AAK1: variants seen among roughly 807,000 people sequenced by gnomAD.
AAK1 encodes AP2 associated kinase 1.
In AAK1, 37 loss-of-function variants were observed where a neutral mutation model predicts 116.0. That is an observed-to-expected ratio of 0.32 (90% CI 0.25 to 0.42). AAK1 has a LOEUF of 0.42. Among genes scored for constraint, AAK1 ranks in the 10% least tolerant of loss-of-function variants. The probability of loss-of-function intolerance (pLI) is 1.00; values close to 1 mark genes in which losing one functional copy is unlikely to be tolerated. For synonymous variants in AAK1, 458 were observed against 439.9 expected (o/e 1.04, Z -0.51); for missense variants, 919 against 1,170.6 (o/e 0.79, Z 3.14).
chr2:69,535,237 A>G (rs1225633126), intron 5 of AAK1, among the ~76,000 whole-genome samples: 3 of 152,210 alleles, frequency 2.0e-5, no homozygotes, highest in African/African-American at 7.2e-5. Flanking sequence ...TGTTTCACAC[A>G]AAGGATAAAT....
chr2:69,593,810 A>G (rs1269074628), intron 2 of AAK1, among the ~76,000 whole-genome samples: 1 of 152,188 alleles, frequency 6.6e-6, no homozygotes, highest in Non-Finnish European at 1.5e-5. Flanking sequence ...TTCTCACTCA[A>G]TGCTGGGATG....
rs1558929473 is a variant in AAK1 at position 69,518,972 on chromosome 2, C to T, written c.1479G>A (p.Gln493=). ...ACCTTACCTGCTGAGTCTGGGCCTG[C>T]TGCTGCTGGTAAAACGTGCCTGCCG... ...QQPAGTFYQQ[Q]QAQTQQFQAV... Residue 493 remains glutamine, a synonymous_variant, in exon 12 of 22, where the codon CAG becomes CAA. Transcript: ENST00000409085. The T allele has an allele frequency of 6.5e-7, 1 of 1,548,362 alleles. No homozygotes were observed. The highest frequency in any genetic ancestry group is 1.4e-5 in the African/African-American group (1 of 73,116).
rs374661325 is a variant in AAK1, at chr2:69,480,885, C to T, written c.2544G>A (p.Thr848=). Residue 848 remains threonine, a synonymous_variant, in exon 19 of 22, where the codon ACG becomes ACA. Coordinates refer to ENST00000409085, the MANE Select transcript of AAK1 (RefSeq NM_014911.5). ...PPVPQRLPSQ[T]ESVTSNRTDS... ...CTGTGCGATTCGAGGTCACAGATTC[C>T]GTCTGAGATGGGAGGCGCTGGGGAA... The T allele has an allele frequency of 7.5e-6, 12 of 1,603,884 alleles. No homozygotes were observed. The highest frequency in any genetic ancestry group is 5.4e-5 in the African/African-American group (4 of 74,748).
Position 69,474,388 on chromosome 2 carries a change from A to G in AAK1, c.*1481T>C. The stretch of plus-strand genomic sequence containing the variant: ...CTTTTCAAAAGGGTGATTTTATAAA[A>G]GTGCTTTCCACATAAGGAAATAAAA... On this transcript the variant is annotated 3_prime_UTR_variant, in exon 22 of 22. Coordinates refer to ENST00000409085, the MANE Select transcript of AAK1 (RefSeq NM_014911.5). 1.0e-6 allele frequency: 1 copy of G among 985,798 alleles called. No individual in the cohort carries two copies. Among genetic ancestry groups the G allele is most frequent in the African/African-American group, 1.7e-5 (1 of 57,366 alleles). The allele number at this position is 985,798 out of a possible 1,614,324, so 61.1% of individuals were successfully genotyped here.
At chr2:69,594,758 A>G in intron 2 of AAK1, 1 of 857,292 alleles carries the variant, frequency 1.2e-6, no homozygotes, top group East Asian at 2.4e-5. Flanking sequence ...TGGATCACTT[A>G]GCCCTTTCTC....
rs1043447944 is a variant in AAK1 at position 69,498,960 on chromosome 2, G to A, written c.2270-2880C>T. ...CAGACTGGGGTGTTAATACCCAGAT[G>A]TGGCAGAAGGGAATGGGGAGGTGCA... On this transcript the variant is annotated intron_variant, in intron 16 of 21. Transcript: ENST00000409085. Among the ~76,000 whole-genome samples, 7 of 152,228 alleles carry A rather than the reference G, an allele frequency of 4.6e-5. No homozygotes were observed. The East Asian group carries it at 1.3e-3, about 29-fold the overall frequency.
Position 69,544,552 on chromosome 2 carries a change from CAA to C in AAK1, c.283-10_283-9del, listed in dbSNP as rs1490874887. On this transcript the variant is annotated splice_polypyrimidine_tract_variant and intron_variant, in intron 3 of 21. Coordinates refer to ENST00000409085, the MANE Select transcript of AAK1 (RefSeq NM_014911.5). Reference sequence around the variant, plus strand: ...GTGCCCTGAAAGATCCCTCTGTGAACAAGAGAGGAGAAATATATTGTTAGTTT... The same window carrying C: ...GTGCCCTGAAAGATCCCTCTGTGAACGAGAGGAGAAATATATTGTTAGTTT... The C allele has an allele frequency of 6.3e-7, 1 of 1,590,930 alleles. No individual in the cohort carries two copies. Among genetic ancestry groups the C allele is most frequent in the Non-Finnish European group, 8.6e-7 (1 of 1,159,144 alleles).
At chr2:69,569,482 G>A (rs1438342978) in intron 2 of AAK1, among the ~76,000 whole-genome samples, 1 of 151,850 alleles carries the variant, frequency 6.6e-6, no homozygotes, top group African/African-American at 2.4e-5. Flanking sequence ...ATTCTTTTTG[G>A]GGATGAGGGT....
chr2:69,572,358 G>A (rs1672121612), intron 2 of AAK1, among the ~76,000 whole-genome samples: 1 of 152,088 alleles, frequency 6.6e-6, no homozygotes, highest in Non-Finnish European at 1.5e-5. Context: ...GGCCAGGCAT[G>A]GTGGCTCACA....
At chr2:69,611,106 GT>G (rs1410746922) in intron 2 of AAK1, among the ~76,000 whole-genome samples, 1 of 152,196 alleles carries the variant, frequency 6.6e-6, no homozygotes, top group African/African-American at 2.4e-5. Context: ...TTCTGGGTGT[GT>G]CTATGAGGGT....
At position 69,469,411 on chromosome 2, in the gene AAK1, T is replaced by C. The variant is rs1674601329; in HGVS notation, c.*6458A>G. On this transcript the variant is annotated 3_prime_UTR_variant, in exon 22 of 22. Coordinates refer to ENST00000409085, the MANE Select transcript of AAK1 (RefSeq NM_014911.5). ...AAAAGTCTTTTTTTGAGTATGTGAA[T>C]GTGTTCTTACAGGGAAAATGTGTTT... 1 of 985,462 alleles carries C rather than the reference T, an allele frequency of 1.0e-6. No individual in the cohort carries two copies. The allele number at this position is 985,462 out of a possible 1,614,324, so 61.0% of individuals were successfully genotyped here. A position where few individuals can be genotyped will look rare whatever the true frequency, so the allele number is the denominator to read the frequency against.
intron 5 of AAK1, among the ~76,000 whole-genome samples, chr2:69,540,452 G>A (rs1670661687): frequency 6.6e-6 from 1 of 152,130 alleles, no homozygotes; most frequent in African/African-American, 2.4e-5. Flanking sequence ...GAAAAAAAGG[G>A]CTGACTGTGC....
intron 5 of AAK1, among the ~76,000 whole-genome samples, chr2:69,541,227 C>CT (rs545915571): frequency 0.017 from 2,169 of 125,234 alleles, 39 homozygotes; most frequent in East Asian, 0.053. Flanking sequence ...TTTTATACTT[C>CT]TTTTTTTTTT....
Position 69,467,902 on chromosome 2 carries a change from T to C in AAK1, c.*7967A>G. ...ATACTGTACAAAAATACTATGTTTC[T>C]CTGAATCCTATAACTTTTTAGCAGT... On this transcript the variant is annotated 3_prime_UTR_variant, in exon 22 of 22. Coordinates refer to ENST00000409085, the MANE Select transcript of AAK1 (RefSeq NM_014911.5). 1 of 985,358 alleles carries C rather than the reference T, an allele frequency of 1.0e-6. No individual in the cohort carries two copies. Among genetic ancestry groups the C allele is most frequent in the Non-Finnish European group, 1.2e-6 (1 of 829,836 alleles). 61.0% of individuals were successfully genotyped at this position (985,358 alleles called of 1,614,324 possible).
chr2:69,555,550 C>T (rs151067077), intron 3 of AAK1, among the ~76,000 whole-genome samples: 1,913 of 152,282 alleles, frequency 0.013, 21 homozygotes, highest in Non-Finnish European at 0.02. Context: ...CTTTAAAAAG[C>T]ATTAAAATCC....
intron 2 of AAK1, among the ~76,000 whole-genome samples, chr2:69,634,418 A>C (rs1197945983): frequency 6.6e-6 from 1 of 152,210 alleles, no homozygotes; most frequent in African/African-American, 2.4e-5. Flanking sequence ...ACAAAATGAG[A>C]GTATGTAGAT....
intron 20 of AAK1, chr2:69,478,589 A>C: frequency 4.4e-6 from 1 of 229,372 alleles, no homozygotes; most frequent in Non-Finnish European, 8.5e-6. Flanking sequence ...AGAAGCTGGT[A>C]CCACCGGTGC....
At chr2:69,580,798 C>T (rs1048769977) in intron 2 of AAK1, among the ~76,000 whole-genome samples, 1 of 152,208 alleles carries the variant, frequency 6.6e-6, no homozygotes, top group African/African-American at 2.4e-5. Flanking sequence ...AACCAAAAGA[C>T]TGAATTACAT....
At position 69,475,148 on chromosome 2, in the gene AAK1, G is replaced by T. The variant is rs1350022033; in HGVS notation, c.*721C>A. The T allele has an allele frequency of 5.1e-6, 5 of 985,784 alleles. No homozygotes were observed. Among genetic ancestry groups the T allele is most frequent in the Non-Finnish European group, 6.0e-6 (5 of 829,924 alleles). 61.1% of individuals were successfully genotyped at this position (985,784 alleles called of 1,614,324 possible). A position where few individuals can be genotyped will look rare whatever the true frequency, so the allele number is the denominator to read the frequency against. ...AAGGATCTCAAATACTTGCAGTCAC[G>T]TCTCCAGATCTGAGAAATCACGGTT... On this transcript the variant is annotated 3_prime_UTR_variant, in exon 22 of 22. Transcript: ENST00000409085.
Sources: gnomAD v4.1 joint callset for allele counts (sites outside exome capture counted in the v4.1 genomes callset) on GRCh38, gnomAD v4.1.1 for gene constraint, MANE v1.5 for transcripts, NCBI Gene and HGNC (gene_info 2026-07-23, HGNC 2026-07-21) for gene names.